IGSF10: variants seen among roughly 807,000 people sequenced by gnomAD.
The protein encoded by IGSF10 is immunoglobulin superfamily member 10.
In IGSF10, 126 loss-of-function variants were observed where a neutral mutation model predicts 128.2. The ratio of observed to expected loss-of-function variants is 0.98; its 90% confidence interval spans 0.85 to 1.14. IGSF10 has a LOEUF of 1.14. Among genes scored for constraint, IGSF10 ranks in the 50% most tolerant of loss-of-function variants. The pLI is 0.00. For missense variants in IGSF10, 3,295 were observed against 3,149.8 expected (o/e 1.05, Z -1.10); for synonymous variants, 1,185 against 1,146.2 (o/e 1.03, Z -0.68).
At chr3:151,495,377 C>A in the IGSF10 span, among the ~76,000 whole-genome samples, 5 of 152,130 alleles carry the variant, frequency 3.3e-5, no homozygotes, top group African/African-American at 9.7e-5. Context: ...AAATGGGGAT[C>A]TGTGGAACAA....
chr3:151,561,351 C>T, the IGSF10 span, among the ~76,000 whole-genome samples: 18 of 152,122 alleles, frequency 1.2e-4, no homozygotes, highest in African/African-American at 3.9e-4. Context: ...TAGTCTACTT[C>T]CTTAGGCAGA....
Position 151,446,758 on chromosome 3 carries a change from C to G in IGSF10, c.3223G>C (p.Ala1075Pro), listed in dbSNP as rs1389555926. The G allele has an allele frequency of 1.9e-6, 3 of 1,614,090 alleles. No individual in the cohort carries two copies. Among genetic ancestry groups the G allele is most frequent in the Non-Finnish European group, 2.5e-6 (3 of 1,179,990 alleles). Reference protein sequence around the residue: ...SCLPRERLTTATAALSFPSAA... With the variant: ...SCLPRERLTTPTAALSFPSAA... ...CTTGGAAAAGACAATGCTGCTGTGG[C>G]AGTGGTGAGCCTCTCCCTGGGAAGA... The change falls in exon 6 of 8, where the codon GCC becomes CCC. Residue 1075 changes from alanine (A) to proline (P), a missense_variant. Physicochemically the swap from Ala to Pro is conservative, Grantham distance 27 (BLOSUM62 -1). Transcript: ENST00000282466.
the IGSF10 span, among the ~76,000 whole-genome samples, chr3:151,510,521 G>A: frequency 1.3e-5 from 2 of 152,160 alleles, no homozygotes; most frequent in Non-Finnish European, 2.9e-5. Flanking sequence ...GGAAAAAACA[G>A]AGCAGAAAAA....
the IGSF10 span, among the ~76,000 whole-genome samples, chr3:151,586,504 A>G: frequency 6.6e-6 from 1 of 152,234 alleles, no homozygotes; most frequent in Non-Finnish European, 1.5e-5. Flanking sequence ...ACAGTATAGT[A>G]TTATAACCAG....
chr3:151,608,749 ATAAT>A, the IGSF10 span, among the ~76,000 whole-genome samples: 11 of 152,318 alleles, frequency 7.2e-5, no homozygotes, highest in African/African-American at 1.4e-4. Flanking sequence ...CTTCTCTCAT[ATAAT>A]TGACATTTTT....
chr3:151,494,943 T>C, the IGSF10 span, among the ~76,000 whole-genome samples: 9 of 152,222 alleles, frequency 5.9e-5, no homozygotes, highest in Admixed American at 3.3e-4. Flanking sequence ...TATTACTTTA[T>C]GTAATTCAAT....
At chr3:151,584,371 T>C in the IGSF10 span, among the ~76,000 whole-genome samples, 247 of 152,348 alleles carry the variant, frequency 1.6e-3, 2 homozygotes, top group South Asian at 1.0e-3. Context: ...ATCTTTATCT[T>C]TTAATGAGGC....
chr3:151,437,521 A>ATT lies in IGSF10; in HGVS notation c.7038_7039dup (p.Ile2347LysfsTer2). Reference sequence around the variant, plus strand: ...TGTGGACTTTCCCAGCTGGGCAACTATTTTTTCATTAAATGGATTTCTAAA... The same window carrying ATT: ...TGTGGACTTTCCCAGCTGGGCAACTATTTTTTTTCATTAAATGGATTTCTAAA... On this transcript the variant is annotated frameshift_variant, in exon 8 of 8. Coordinates refer to ENST00000282466, the MANE Select transcript of IGSF10 (RefSeq NM_178822.5). LOFTEE classifies it low-confidence loss of function (END_TRUNC). 1 of 1,614,084 alleles carries ATT rather than the reference A, an allele frequency of 6.2e-7. No individual in the cohort carries two copies. The highest frequency in any genetic ancestry group is 8.5e-7 in the Non-Finnish European group (1 of 1,180,024).
rs1318791976 is a variant in IGSF10 at position 151,437,714 on chromosome 3, C to T, written c.6847G>A (p.Ala2283Thr). 6.2e-7 allele frequency: 1 copy of T among 1,614,106 alleles called. No homozygotes were observed. The highest frequency in any genetic ancestry group is 1.1e-5 in the South Asian group (1 of 91,082). Residue 2283 changes from alanine (A) to threonine (T), a missense_variant, in exon 8 of 8, where the codon GCC (alanine) becomes ACC (threonine). By Grantham distance (58) the Ala-to-Thr change is moderately conservative (BLOSUM62 0). Coordinates refer to ENST00000282466, the MANE Select transcript of IGSF10 (RefSeq NM_178822.5). ...GTGATTCTGCTTCCATAGTATGGGG[C>T]TGTGAGGAAAATATTGTCTGGCATG... is the stretch of plus-strand genomic sequence containing the variant. ...WIMPDNIFLT[A>T]PYYGSRITVH... is the part of the protein sequence containing the mutation.
At chr3:151,435,830 T>A (rs200230903), downstream of IGSF10, 1 of 146,178 alleles carries the variant, frequency 6.8e-6, no homozygotes, top group East Asian at 2.4e-4. Context: ...CTTCATTATA[T>A]ATAATAGACC....
the IGSF10 span, among the ~76,000 whole-genome samples, chr3:151,512,790 T>C: frequency 3.9e-5 from 6 of 152,068 alleles, no homozygotes; most frequent in Non-Finnish European, 7.4e-5. Context: ...ATATCACCAC[T>C]GATCCCACAG....
At chr3:151,475,591 C>G in the IGSF10 span, among the ~76,000 whole-genome samples, 139 of 152,284 alleles carry the variant, frequency 9.1e-4, no homozygotes, top group African/African-American at 3.2e-3. Context: ...AGGCAAATGC[C>G]AACTTGTAAC....
chr3:151,467,681 G>A, the IGSF10 span, among the ~76,000 whole-genome samples: 1 of 151,934 alleles, frequency 6.6e-6, no homozygotes, highest in Non-Finnish European at 1.5e-5. Flanking sequence ...TCAGGAGATC[G>A]AGACCGTCCT....
At chr3:151,618,422 A>G in the IGSF10 span, among the ~76,000 whole-genome samples, 1 of 152,218 alleles carries the variant, frequency 6.6e-6, no homozygotes, top group East Asian at 1.9e-4. Context: ...AATGGACATA[A>G]AGAAGTTTTA....
the IGSF10 span, among the ~76,000 whole-genome samples, chr3:151,469,502 T>C: frequency 0.37 from 56,827 of 152,024 alleles, 10,777 homozygotes; most frequent in Middle Eastern, 0.46. Context: ...TAAAAGGGCA[T>C]GTAAACCTTC....
At chr3:151,505,813 C>T in the IGSF10 span, among the ~76,000 whole-genome samples, 3 of 152,232 alleles carry the variant, frequency 2.0e-5, no homozygotes, top group East Asian at 3.9e-4. Flanking sequence ...GATTAAGGGA[C>T]TAGTTGATAA....
Position 151,437,956 on chromosome 3 carries a change from T to G in IGSF10, c.6605A>C (p.Lys2202Thr), listed in dbSNP as rs1360785690. The G allele has an allele frequency of 6.2e-7, 1 of 1,614,098 alleles. No individual in the cohort carries two copies. Among genetic ancestry groups the G allele is most frequent in the Non-Finnish European group, 8.5e-7 (1 of 1,180,040 alleles). Reference protein sequence around the residue: ...FHANGSLTINKVKLLDSGEYV... With the variant: ...FHANGSLTINTVKLLDSGEYV... ...CTCTCCAGAATCGAGCAGTTTCACT[T>G]TGTTGATGGTCAAAGACCCATTGGC... The change falls in exon 8 of 8, where the codon AAA (lysine) becomes ACA (threonine). Residue 2202 changes from lysine to threonine, a missense_variant. Physicochemically the swap from Lys to Thr is moderately conservative, Grantham distance 78. Coordinates refer to ENST00000282466, the MANE Select transcript of IGSF10 (RefSeq NM_178822.5).
the IGSF10 span, among the ~76,000 whole-genome samples, chr3:151,470,389 C>T: frequency 6.6e-6 from 1 of 152,154 alleles, no homozygotes; most frequent in East Asian, 1.9e-4. Context: ...TTTCCTTGAC[C>T]TGCAACCAAA....
At chr3:151,618,794 T>C in the IGSF10 span, among the ~76,000 whole-genome samples, 1 of 148,772 alleles carries the variant, frequency 6.7e-6, no homozygotes, top group Non-Finnish European at 1.5e-5. Flanking sequence ...AAAAATAAAA[T>C]AAATAAAAAA....
Sources: gnomAD v4.1 joint callset for allele counts (sites outside exome capture counted in the v4.1 genomes callset) on GRCh38, gnomAD v4.1.1 for gene constraint, MANE v1.5 for transcripts, NCBI Gene and HGNC (gene_info 2026-07-23, HGNC 2026-07-21) for gene names.